The following DGKI variants were observed in gnomAD, a reference collection of about 807,000 sequenced individuals.
DGKI encodes DAG kinase iota.
DGKI carries 55 observed loss-of-function variants against 147.5 expected under a neutral mutation model. That is an observed-to-expected ratio of 0.37 (90% CI 0.30 to 0.47). The LOEUF (loss-of-function observed/expected upper bound fraction) is 0.47. DGKI is among the 20% of genes least tolerant of loss of function. The probability of loss-of-function intolerance (pLI) is 1.00; values close to 1 mark genes in which losing one functional copy is unlikely to be tolerated. For synonymous variants in DGKI, 469 were observed against 477.1 expected (o/e 0.98, Z 0.22); for missense variants, 1,007 against 1,323.8 (o/e 0.76, Z 3.71).
intron 20 of DGKI, among the ~76,000 whole-genome samples, chr7:137,524,937 C>G (rs80291769): frequency 0.032 from 4,872 of 152,116 alleles, 216 homozygotes; most frequent in East Asian, 0.11. Flanking sequence ...TGGGGCTTAC[C>G]AGTGTGTATC....
chr7:137,801,481 C>T lies in DGKI; in HGVS notation c.401+44981G>A, dbSNP rs78817666. On this transcript the variant is annotated intron_variant, in intron 1 of 32. Transcript: ENST00000614521. ...GTTCATTAGATGTAGGACCAGAAAG[C>T]TTGGGACCCTCCAGTTTCTAACCAT... Among the ~76,000 whole-genome samples the T allele has an allele frequency of 6.8e-3, 1,037 of 152,280 alleles. 9 individuals carry two copies. Among genetic ancestry groups the T allele is most frequent in the African/African-American group, 0.023 (971 of 41,554 alleles).
chr7:137,618,361 C>A (rs1563114801), intron 8 of DGKI, among the ~76,000 whole-genome samples: 2 of 150,774 alleles, frequency 1.3e-5, no homozygotes, highest in Admixed American at 1.3e-4. Context: ...GGACACAGTA[C>A]TCATGCCTGT....
At chr7:137,662,568 A>G (rs1822481512) in intron 3 of DGKI, among the ~76,000 whole-genome samples, 1 of 151,960 alleles carries the variant, frequency 6.6e-6, no homozygotes, top group Admixed American at 6.6e-5. Context: ...TATCCTCAGT[A>G]TATCACTCAT....
intron 25 of DGKI, 123 bp downstream of exon 25, chr7:137,466,779 A>C: frequency 3.2e-6 from 3 of 944,800 alleles, no homozygotes; most frequent in Non-Finnish European, 5.1e-6. Context: ...TTAAGTTATG[A>C]ACACCATTCC....
At chr7:137,803,951 T>C (rs1797287762) in intron 1 of DGKI, among the ~76,000 whole-genome samples, 2 of 152,220 alleles carry the variant, frequency 1.3e-5, no homozygotes, top group Non-Finnish European at 2.9e-5. Context: ...TCTGAAAATA[T>C]AAGCTAACAA....
intron 24 of DGKI, among the ~76,000 whole-genome samples, chr7:137,467,616 C>T (rs1013094605): frequency 3.3e-5 from 5 of 152,094 alleles, no homozygotes; most frequent in Admixed American, 3.3e-4. Context: ...ATTATTTAAG[C>T]ATTCTCTGAA....
intron 31 of DGKI, 122 bp downstream of exon 31, chr7:137,397,255 G>T: frequency 3.3e-6 from 3 of 903,306 alleles, no homozygotes; most frequent in Non-Finnish European, 5.0e-6. Context: ...GAACAAAGTT[G>T]AAAGTGGACT....
intron 21 of DGKI, among the ~76,000 whole-genome samples, chr7:137,492,432 G>C (rs993389006): frequency 6.6e-6 from 1 of 152,128 alleles, no homozygotes; most frequent in Non-Finnish European, 1.5e-5. Context: ...TGGGTTTAAG[G>C]GGGAGGAAGC....
intron 23 of DGKI, among the ~76,000 whole-genome samples, chr7:137,470,574 T>C (rs1814842327): frequency 6.6e-6 from 1 of 152,158 alleles, no homozygotes; most frequent in African/African-American, 2.4e-5. Flanking sequence ...ATTTATATTT[T>C]ATTTTTTGAG....
intron 23 of DGKI, among the ~76,000 whole-genome samples, chr7:137,479,500 C>T (rs1313363270): frequency 1.3e-5 from 2 of 152,252 alleles, no homozygotes; most frequent in African/African-American, 4.8e-5. Flanking sequence ...CACTATTTGG[C>T]ATGCATATGC....
At chr7:137,410,143 C>T (rs960779895) in intron 29 of DGKI, among the ~76,000 whole-genome samples, 2 of 152,136 alleles carry the variant, frequency 1.3e-5, no homozygotes, top group Non-Finnish European at 2.9e-5. Context: ...CGGTGGCTCA[C>T]ATCTGTAATC....
At chr7:137,686,463 C>T (rs188708525) in intron 2 of DGKI, among the ~76,000 whole-genome samples, 3 of 152,158 alleles carry the variant, frequency 2.0e-5, no homozygotes, top group Admixed American at 6.5e-5. Context: ...TATCTATTGC[C>T]GAAAAATCTT....
intron 21 of DGKI, among the ~76,000 whole-genome samples, chr7:137,496,091 A>C (rs1345289972): frequency 6.6e-6 from 1 of 152,196 alleles, no homozygotes; most frequent in Non-Finnish European, 1.5e-5. Context: ...CCTTTTTCTG[A>C]TAAACAACTT....
chr7:137,751,179 T>G (rs7802342), intron 1 of DGKI, among the ~76,000 whole-genome samples: 42,438 of 152,146 alleles, frequency 0.28, 6,018 homozygotes, highest in Middle Eastern at 0.37. Flanking sequence ...TACACATAAA[T>G]ATTTCCTTTA....
intron 6 of DGKI, among the ~76,000 whole-genome samples, chr7:137,636,185 C>T (rs985730374): frequency 1.3e-5 from 2 of 152,284 alleles, no homozygotes; most frequent in Middle Eastern, 3.4e-3. Context: ...ACAACTGCAG[C>T]AGCCAAGACC....
At chr7:137,805,098 T>G (rs1208946526) in intron 1 of DGKI, among the ~76,000 whole-genome samples, 1 of 152,230 alleles carries the variant, frequency 6.6e-6, no homozygotes, top group Non-Finnish European at 1.5e-5. Flanking sequence ...CTGATGTGTA[T>G]TGAGTGCTAT....
intron 1 of DGKI, among the ~76,000 whole-genome samples, chr7:137,820,660 T>C (rs1797869667): frequency 6.6e-6 from 1 of 152,114 alleles, no homozygotes; most frequent in Admixed American, 6.5e-5. Context: ...CCAAGGACAG[T>C]GTCTCTGGGG....
rs71177923 is a variant in DGKI, at chr7:137,843,756, T to TACACACACACACACAC, written c.401+2690_401+2705dup. ...ACAGAAGGAGCAGATGAGACCCCCC[T>TACACACACACACACAC]ACACACACACACACACACACACACA... On this transcript the variant is annotated intron_variant, in intron 1 of 32. Coordinates refer to ENST00000614521, the MANE Select transcript of DGKI (RefSeq NM_001321708.2). 4.2e-4 allele frequency among the ~76,000 whole-genome samples: 58 copies of TACACACACACACACAC among 137,896 alleles called. 1 individual carries two copies. The highest frequency in any genetic ancestry group is 6.5e-4 in the Non-Finnish European group (42 of 64,548). 90.5% of individuals were successfully genotyped at this position (137,896 alleles called of 152,430 possible). A position where few individuals can be genotyped will look rare whatever the true frequency, so the allele number is the denominator to read the frequency against.
chr7:137,806,535 G>A (rs968817378), intron 1 of DGKI, among the ~76,000 whole-genome samples: 1 of 152,014 alleles, frequency 6.6e-6, no homozygotes, highest in Admixed American at 6.6e-5. Flanking sequence ...CTGGGTTCAC[G>A]CCATTCTCCT....
Sources: gnomAD v4.1 joint callset for allele counts (sites outside exome capture counted in the v4.1 genomes callset) on GRCh38, gnomAD v4.1.1 for gene constraint, MANE v1.5 for transcripts, NCBI Gene and HGNC (gene_info 2026-07-23, HGNC 2026-07-21) for gene names.